RFX3: variants seen among roughly 807,000 people sequenced by gnomAD.
The protein encoded by RFX3 is regulatory factor X3, also known as transcription factor RFX3.
Under a neutral mutation model 98.6 loss-of-function variants are expected in RFX3, and 14 were observed. The ratio of observed to expected loss-of-function variants is 0.14; its 90% CI spans 0.09 to 0.22. The LOEUF (loss-of-function observed/expected upper bound fraction) is 0.22, where lower values mean the gene tolerates loss of function less well. Ranked by LOEUF, RFX3 falls within the 10% of genes least tolerant of loss-of-function variation. The pLI is 1.00. For missense variants in RFX3, 639 were observed against 926.9 expected (o/e 0.69, Z 4.03); for synonymous variants, 383 against 328.4 (o/e 1.17, Z -1.80).
chr9:3,472,624 C>T (rs1848872924), intron 1 of RFX3, among the ~76,000 whole-genome samples: 1 of 152,088 alleles, frequency 6.6e-6, no homozygotes, highest in African/African-American at 2.4e-5. Context: ...AGAGCCTATC[C>T]CTAACAAAAA....
intron 8 of RFX3, among the ~76,000 whole-genome samples, chr9:3,276,598 A>G (rs1825257341): frequency 6.6e-6 from 1 of 152,098 alleles, no homozygotes. Context: ...CATGTTTTCA[A>G]CTTCAGTAAT....
intron 1 of RFX3, among the ~76,000 whole-genome samples, chr9:3,399,239 A>T (rs1841228510): frequency 6.7e-6 from 1 of 148,226 alleles, no homozygotes; most frequent in African/African-American, 2.5e-5. Context: ...GTTCAAGACC[A>T]CCCTGGACAA....
At chr9:3,389,483 T>G (rs1840063227) in intron 2 of RFX3, among the ~76,000 whole-genome samples, 1 of 152,146 alleles carries the variant, frequency 6.6e-6, no homozygotes, top group Non-Finnish European at 1.5e-5. Context: ...TGGGCAACAA[T>G]GTCTATATTT....
chr9:3,352,060 T>C lies in RFX3; in HGVS notation c.118-5296A>G, dbSNP rs150766964. Among the ~76,000 whole-genome samples the C allele has an allele frequency of 3.8e-3, 584 of 152,112 alleles. 4 individuals carry two copies. Among genetic ancestry groups the C allele is most frequent in the Non-Finnish European group, 6.0e-3 (406 of 67,922 alleles). On this transcript the variant is annotated intron_variant, in intron 2 of 16. Coordinates refer to ENST00000617270, the MANE Select transcript of RFX3 (RefSeq NM_001282116.2). ...ATGAAGTGAATCTTAGTTCAACCAT[T>C]CCATAGAATACATGGCTGATATAAA...
At chr9:3,395,950 C>T (rs1471868338) in intron 1 of RFX3, among the ~76,000 whole-genome samples, 1 of 152,128 alleles carries the variant, frequency 6.6e-6, no homozygotes, top group African/African-American at 2.4e-5. Context: ...AGAACACAAA[C>T]CCTACCTGGA....
intron 2 of RFX3, among the ~76,000 whole-genome samples, chr9:3,350,147 A>G (rs1204943833): frequency 1.3e-5 from 2 of 152,132 alleles, no homozygotes; most frequent in East Asian, 3.9e-4. Context: ...GAAAATTTCT[A>G]CTTTGAAAGA....
chr9:3,242,337 TAACA>T (rs1466593227), intron 15 of RFX3, among the ~76,000 whole-genome samples: 2 of 151,726 alleles, frequency 1.3e-5, no homozygotes, highest in African/African-American at 4.8e-5. Flanking sequence ...TCACTCTAAA[TAACA>T]ATCAACAGTA....
chr9:3,525,818 G>C lies in RFX3; in HGVS notation c.-80C>G, dbSNP rs1414642182. On this transcript the variant is annotated 5_prime_UTR_variant, in exon 1 of 17. Transcript: ENST00000617270. ...TGGTGGTGGGGAGGAGGAGGAGGAAGAGGAGGAGGAGGAGGAGAGGAGTAG... is the reference window on the plus strand; with the variant it reads ...TGGTGGTGGGGAGGAGGAGGAGGAACAGGAGGAGGAGGAGGAGAGGAGTAG... 1.4e-6 allele frequency: 1 copy of C among 698,328 alleles called. No individual in the cohort carries two copies. Among genetic ancestry groups the C allele is most frequent in the Non-Finnish European group, 1.8e-6 (1 of 567,666 alleles). The allele number at this position is 698,328 out of a possible 1,614,324, so 43.3% of individuals were successfully genotyped here.
At position 3,220,488 on chromosome 9, in the gene RFX3, A is replaced by G. The variant is rs988476407; in HGVS notation, c.*4554T>C. The G allele has an allele frequency of 2.0e-5, 3 of 152,168 alleles. No homozygotes were observed. Among genetic ancestry groups the G allele is most frequent in the African/African-American group, 7.2e-5 (3 of 41,434 alleles). The allele number at this position is 152,168 out of a possible 1,614,324, so 9.4% of individuals were successfully genotyped here. A position where few individuals can be genotyped will look rare whatever the true frequency, so the allele number is the denominator to read the frequency against. On this transcript the variant is annotated 3_prime_UTR_variant, in exon 17 of 17. Transcript: ENST00000617270. ...TTTCTAGAGACTATGGTGTGATACT[A>G]GAAAAGTTGATTTTTTTTTTCTGTA...
At chr9:3,415,105 A>C (rs577749496) in intron 1 of RFX3, among the ~76,000 whole-genome samples, 3 of 87,560 alleles carry the variant, frequency 3.4e-5, no homozygotes, top group Non-Finnish European at 5.8e-5. Context: ...CTCATATATA[A>C]GTATATATAT....
At chr9:3,242,573 G>A (rs1205352234) in intron 15 of RFX3, among the ~76,000 whole-genome samples, 1 of 152,044 alleles carries the variant, frequency 6.6e-6, no homozygotes, top group East Asian at 1.9e-4. Flanking sequence ...TTTACTTTAA[G>A]CACCAATATT....
chr9:3,496,193 G>A (rs1005984551), intron 1 of RFX3, among the ~76,000 whole-genome samples: 1 of 151,900 alleles, frequency 6.6e-6, no homozygotes, highest in Non-Finnish European at 1.5e-5. Flanking sequence ...TACGAGCCTC[G>A]TTGTATATAT....
At chr9:3,248,242 C>T (rs1368652298) in intron 14 of RFX3, 57 bp from the exon 15 acceptor site, 3 of 1,507,584 alleles carry the variant, frequency 2.0e-6, no homozygotes, top group Non-Finnish European at 2.6e-6. Context: ...AATTAGCATT[C>T]TACCTATTTT....
At chr9:3,488,037 T>C (rs1850420462) in intron 1 of RFX3, among the ~76,000 whole-genome samples, 1 of 152,146 alleles carries the variant, frequency 6.6e-6, no homozygotes, top group African/African-American at 2.4e-5. Flanking sequence ...TAATTACTGT[T>C]CTATAGGCTA....
At chr9:3,244,904 T>C (rs147377679) in intron 15 of RFX3, among the ~76,000 whole-genome samples, 5 of 152,352 alleles carry the variant, frequency 3.3e-5, no homozygotes, top group Admixed American at 2.0e-4. Flanking sequence ...CCAATCATGA[T>C]AGCTTTGGCA....
intron 4 of RFX3, among the ~76,000 whole-genome samples, chr9:3,322,779 G>C (rs1236700295): frequency 2.0e-5 from 3 of 152,146 alleles, no homozygotes; most frequent in African/African-American, 7.2e-5. Context: ...TGTCTTATTA[G>C]TTGTTATAGT....
intron 13 of RFX3, among the ~76,000 whole-genome samples, chr9:3,259,069 T>C (rs1338743224): frequency 6.6e-6 from 1 of 152,050 alleles, no homozygotes; most frequent in East Asian, 1.9e-4. Context: ...TTGCATCATA[T>C]ACTATTATTT....
Position 3,467,136 on chromosome 9 carries a change from A to ATATACATACATATATGTAAGTATATC in RFX3, c.-9+58610_-9+58611insGATATACTTACATATATGTATGTATA, listed in dbSNP as rs1564139014. ...TATACATACATATATGTAAGTATAT[A>ATATACATACATATATGTAAGTATATC]TGTATATACATAATATATATGTATA... On this transcript the variant is annotated intron_variant, in intron 1 of 16. Transcript: ENST00000617270. Among the ~76,000 whole-genome samples the ATATACATACATATATGTAAGTATATC allele has an allele frequency of 1.7e-4, 25 of 143,330 alleles. 2 individuals carry two copies. The highest frequency in any genetic ancestry group is 6.5e-4 in the African/African-American group (25 of 38,406). 94.0% of individuals were successfully genotyped at this position (143,330 alleles called of 152,430 possible). A position where few individuals can be genotyped will look rare whatever the true frequency, so the allele number is the denominator to read the frequency against.
intron 1 of RFX3, among the ~76,000 whole-genome samples, chr9:3,413,147 C>T (rs1842599859): frequency 6.6e-6 from 1 of 151,576 alleles, no homozygotes; most frequent in Non-Finnish European, 1.5e-5. Flanking sequence ...CAGTTACAAC[C>T]TATTCTCCTA....
Sources: allele counts gnomAD v4.1 joint callset (sites outside exome capture counted in the v4.1 genomes callset), GRCh38; gene constraint gnomAD v4.1.1; transcripts MANE v1.5; gene names NCBI Gene and HGNC (gene_info 2026-07-23, HGNC 2026-07-21).